The following UBXN7 variants were observed in gnomAD, a reference collection of about 807,000 sequenced individuals.
The protein encoded by UBXN7 is UBX domain protein 7.
A neutral mutation model predicts 58.0 loss-of-function variants in UBXN7; 9 were observed. That is an observed-to-expected ratio of 0.16 (90% CI 0.09 to 0.27). UBXN7 has a LOEUF of 0.27. Ranked by LOEUF, UBXN7 falls within the 10% of genes least tolerant of loss-of-function variation. UBXN7 has a pLI of 1.00. For missense variants in UBXN7, 328 were observed against 599.6 expected (o/e 0.55, Z 4.73); for synonymous variants, 208 against 205.0 (o/e 1.01, Z -0.12).
chr3:196,371,858 A>C (rs1452105893), intron 6 of UBXN7, 38 bp downstream of exon 6: 1 of 1,594,430 alleles, frequency 6.3e-7, no homozygotes, highest in African/African-American at 1.3e-5. Context: ...CTACAAAAGT[A>C]AAATTCTACA....
chr3:196,362,834 T>C, intron 8 of UBXN7, 147 bp from the exon 9 acceptor site: 1 of 929,086 alleles, frequency 1.1e-6, no homozygotes, highest in Non-Finnish European at 1.6e-6. Flanking sequence ...GACTGTGTCT[T>C]ACACAGCCAA....
intron 1 of UBXN7, among the ~76,000 whole-genome samples, chr3:196,428,823 CAA>C (rs541675983): frequency 1.0e-4 from 10 of 98,644 alleles, no homozygotes; most frequent in South Asian, 2.9e-4. Context: ...CAGTCCGTCT[CAA>C]AAAAAAAAAA....
At chr3:196,412,685 A>G (rs1730369240) in intron 1 of UBXN7, among the ~76,000 whole-genome samples, 2 of 152,210 alleles carry the variant, frequency 1.3e-5, no homozygotes, top group Admixed American at 6.5e-5. Flanking sequence ...AGTATACATC[A>G]ACACATGAAT....
intron 1 of UBXN7, among the ~76,000 whole-genome samples, chr3:196,420,254 T>G (rs1730637619): frequency 6.6e-6 from 1 of 152,104 alleles, no homozygotes; most frequent in Non-Finnish European, 1.5e-5. Flanking sequence ...TTTTTGGGAC[T>G]GGGTGCAGTG....
intron 5 of UBXN7, among the ~76,000 whole-genome samples, chr3:196,375,034 G>GGAAGGAAGGAAGGAAAGA (rs1349769767): frequency 6.9e-5 from 10 of 145,620 alleles, no homozygotes; most frequent in Non-Finnish European, 1.1e-4. Context: ...AAGGAAGGAA[G>GGAAGGAAGGAAGGAAAGA]GAAGGAAGGG....
intron 1 of UBXN7, among the ~76,000 whole-genome samples, chr3:196,412,027 G>A (rs1203993617): frequency 6.6e-6 from 1 of 151,704 alleles, no homozygotes; most frequent in Non-Finnish European, 1.5e-5. Flanking sequence ...TCAGGAGTTC[G>A]AGACCAGCCT....
chr3:196,370,272 T>G (rs1461294473), intron 6 of UBXN7, among the ~76,000 whole-genome samples: 6 of 104,348 alleles, frequency 5.7e-5, no homozygotes, highest in Non-Finnish European at 4.1e-5. Flanking sequence ...AGTTTTTTTG[T>G]TTTTTTTTGT....
Position 196,393,534 on chromosome 3 carries a change from A to G in UBXN7, c.355+20T>C. The stretch of plus-strand genomic sequence containing the variant: ...TAGGAAGAGAAGAGGGAGATGATAA[A>G]CTGGTCCATAGATACCTACTAGTTT... On this transcript the variant is annotated intron_variant, in intron 4 of 10. Transcript: ENST00000296328. The G allele has an allele frequency of 6.2e-7, 1 of 1,605,212 alleles. No homozygotes were observed. Among genetic ancestry groups the G allele is most frequent in the Non-Finnish European group, 8.5e-7 (1 of 1,175,310 alleles).
intron 1 of UBXN7, among the ~76,000 whole-genome samples, chr3:196,422,661 C>T (rs1161646338): frequency 6.6e-6 from 1 of 152,124 alleles, no homozygotes; most frequent in Non-Finnish European, 1.5e-5. Flanking sequence ...AGCCACTATA[C>T]TTTCCAAAGT....
rs945578497 is a variant in UBXN7, at chr3:196,352,069, G to A, written c.*4616C>T. On this transcript the variant is annotated 3_prime_UTR_variant, in exon 11 of 11. Coordinates refer to ENST00000296328, the MANE Select transcript of UBXN7 (RefSeq NM_015562.2). The surrounding 1 kb of genome is among the most constrained non-coding windows in gnomAD (Gnocchi z 4.1). ...AAAAGGTGGAGCTAAAGAAAAAGGT[G>A]AGTCAAAAGAAAACGTGAGCTACAG... 1 of 152,190 alleles carries A rather than the reference G, an allele frequency of 6.6e-6. No homozygotes were observed. Among genetic ancestry groups the A allele is most frequent in the Non-Finnish European group, 1.5e-5 (1 of 68,028 alleles). 9.4% of individuals were successfully genotyped at this position (152,190 alleles called of 1,614,324 possible).
chr3:196,359,088 C>A (rs146596389), intron 10 of UBXN7, among the ~76,000 whole-genome samples: 1 of 152,132 alleles, frequency 6.6e-6, no homozygotes. Flanking sequence ...TGAAGGTCTG[C>A]GGCAACCTTG....
In UBXN7 at chr3:196,424,383, ATTTTTTTTT is replaced by A. The variant is rs869183431; in HGVS notation, c.73+7935_73+7943del. 1.3e-3 allele frequency among the ~76,000 whole-genome samples: 134 copies of A among 104,900 alleles called. 1 individual carries two copies. The highest frequency in any genetic ancestry group is 2.3e-3 in the Admixed American group (19 of 8,192). 68.8% of individuals were successfully genotyped at this position (104,900 alleles called of 152,430 possible). ...AGATGCCATCCTTTCTCTTTTCCTA[ATTTTTTTTT>A]TTTTTTTTTTTTTTTTTTAAGAGAC... On this transcript the variant is annotated intron_variant, in intron 1 of 10. Coordinates refer to ENST00000296328, the MANE Select transcript of UBXN7 (RefSeq NM_015562.2).
chr3:196,414,896 AAC>A (rs1730434526), intron 1 of UBXN7, among the ~76,000 whole-genome samples: 1 of 152,196 alleles, frequency 6.6e-6, no homozygotes. Context: ...ACCAACAGAA[AAC>A]ACTTTAAAAA....
chr3:196,416,141 A>T (rs889768464), intron 1 of UBXN7: 1 of 152,236 alleles, frequency 6.6e-6, no homozygotes, highest in African/African-American at 2.4e-5. Context: ...ATCTGGTCAT[A>T]GGAAATTCAA....
intron 8 of UBXN7, among the ~76,000 whole-genome samples, chr3:196,366,039 G>A (rs1410548452): frequency 2.6e-5 from 4 of 152,010 alleles, no homozygotes; most frequent in Non-Finnish European, 5.9e-5. Context: ...TGGAAGAAAG[G>A]AAACAACAAC....
At chr3:196,372,131 T>C (rs1253127685) in intron 5 of UBXN7, 89 bp from the exon 6 acceptor site, 8 of 1,424,368 alleles carry the variant, frequency 5.6e-6, no homozygotes, top group African/African-American at 1.4e-5. Flanking sequence ...TTGTCTTTCA[T>C]TAAAAATACT....
At position 196,432,394 on chromosome 3, in the gene UBXN7, A is replaced by C; in HGVS notation, c.6T>G (p.Ala2=). Residue 2 remains alanine (A), a synonymous_variant, in exon 1 of 11, where the codon GCT becomes GCG. Coordinates refer to ENST00000296328, the MANE Select transcript of UBXN7 (RefSeq NM_015562.2). ...AGGACGCCGCGGAGCCCCCGTGGGC[A>C]GCCATCTTACCGCCGCCGCCGCCGC... M[A]AHGGSAASSA... is the part of the protein sequence containing the mutation. 1 of 1,592,954 alleles carries C rather than the reference A, an allele frequency of 6.3e-7. No homozygotes were observed. Among genetic ancestry groups the C allele is most frequent in the Non-Finnish European group, 8.6e-7 (1 of 1,166,046 alleles).
intron 10 of UBXN7, among the ~76,000 whole-genome samples, chr3:196,358,374 C>A (rs2108825332): frequency 6.6e-6 from 1 of 152,298 alleles, no homozygotes; most frequent in East Asian, 1.9e-4. Flanking sequence ...AGGCATGAAA[C>A]AGAAAAATCT....
chr3:196,363,183 G>A (rs753993919), intron 8 of UBXN7, among the ~76,000 whole-genome samples: 8 of 151,220 alleles, frequency 5.3e-5, no homozygotes, highest in Non-Finnish European at 1.0e-4. Flanking sequence ...GATTACAGGC[G>A]TGAGACACCG....
Sources: allele counts gnomAD v4.1 joint callset (sites outside exome capture counted in the v4.1 genomes callset), GRCh38; gene constraint gnomAD v4.1.1; non-coding constraint Gnocchi (gnomAD v3.1); transcripts MANE v1.5; gene names NCBI Gene and HGNC (gene_info 2026-07-23, HGNC 2026-07-21).